The following RANBP2 variants were observed in gnomAD, a reference collection of about 807,000 sequenced individuals.
The protein encoded by RANBP2 is E3 SUMO-protein ligase RanBP2.
A neutral mutation model predicts 303.6 loss-of-function variants in RANBP2; 57 were observed. The ratio of observed to expected loss-of-function variants is 0.19; its 90% CI spans 0.15 to 0.23. RANBP2 has a LOEUF of 0.23. Ranked by LOEUF, RANBP2 falls within the 10% of genes least tolerant of loss-of-function variation. The probability of loss-of-function intolerance (pLI) is 1.00; values close to 1 mark genes in which losing one functional copy is unlikely to be tolerated. For synonymous variants in RANBP2, 1,167 were observed against 1,301.5 expected (o/e 0.90, Z 2.23); for missense variants, 3,138 against 3,780.8 (o/e 0.83, Z 4.46).
At chr2:109,054,343 CCTTGATAACAT>C in the RANBP2 span, among the ~76,000 whole-genome samples, 1 of 152,132 alleles carries the variant, frequency 6.6e-6, no homozygotes, top group African/African-American at 2.4e-5. Context: ...TTTGCCTGCT[CCTTGATAACAT>C]CTTTGTTTTT....
chr2:109,148,332 C>T, the RANBP2 span, among the ~76,000 whole-genome samples: 6 of 152,362 alleles, frequency 3.9e-5, no homozygotes, highest in African/African-American at 9.6e-5. Flanking sequence ...CAGCCCAGGC[C>T]AGAGCGCCAT....
the RANBP2 span, among the ~76,000 whole-genome samples, chr2:109,528,512 A>G: frequency 1.3e-5 from 2 of 152,092 alleles, no homozygotes; most frequent in Admixed American, 1.3e-4. Context: ...CAGTCCCAGG[A>G]CCCCGCTGGA....
the RANBP2 span, among the ~76,000 whole-genome samples, chr2:109,473,077 G>A: frequency 6.6e-6 from 1 of 152,234 alleles, no homozygotes; most frequent in Non-Finnish European, 1.5e-5. Context: ...TCAGATGCGA[G>A]TCCCAAGAAT....
the RANBP2 span, among the ~76,000 whole-genome samples, chr2:109,658,161 T>A: frequency 6.6e-6 from 1 of 151,980 alleles, no homozygotes; most frequent in South Asian, 2.1e-4. Flanking sequence ...TTAATAGGTA[T>A]AAATCAGCCG....
the RANBP2 span, among the ~76,000 whole-genome samples, chr2:109,712,190 C>G: frequency 6.6e-6 from 1 of 152,172 alleles, no homozygotes; most frequent in Non-Finnish European, 1.5e-5. Flanking sequence ...CCAGTGAGCT[C>G]AGGGCTGCCC....
At chr2:109,203,208 GCAGAGAGCCAGGAGCCTCTT>G in the RANBP2 span, among the ~76,000 whole-genome samples, 1 of 152,192 alleles carries the variant, frequency 6.6e-6, no homozygotes, top group Non-Finnish European at 1.5e-5. Context: ...GAAGGACCCT[GCAGAGAGCCAGGAGCCTCTT>G]CAGAGAGCCC....
the RANBP2 span, among the ~76,000 whole-genome samples, chr2:108,911,955 A>T: frequency 6.6e-6 from 1 of 152,168 alleles, no homozygotes; most frequent in African/African-American, 2.4e-5. Context: ...AAGTGTTTTA[A>T]TATTCTCCGT....
the RANBP2 span, among the ~76,000 whole-genome samples, chr2:108,987,262 G>A: frequency 5.3e-5 from 8 of 152,268 alleles, no homozygotes; most frequent in Admixed American, 2.6e-4. Context: ...AGGAGCGTCA[G>A]GTAACCCAGC....
At chr2:108,982,129 G>T in the RANBP2 span, among the ~76,000 whole-genome samples, 4 of 152,200 alleles carry the variant, frequency 2.6e-5, no homozygotes, top group Admixed American at 1.3e-4. Context: ...ATGAGAATAG[G>T]GGCCAGGTCT....
At chr2:108,955,717 A>G in the RANBP2 span, among the ~76,000 whole-genome samples, 1 of 150,882 alleles carries the variant, frequency 6.6e-6, no homozygotes, top group Non-Finnish European at 1.5e-5. Context: ...AAAAATAAAT[A>G]AATACAATAA....
chr2:108,926,746 G>T, the RANBP2 span, among the ~76,000 whole-genome samples: 1 of 152,252 alleles, frequency 6.6e-6, no homozygotes, highest in Non-Finnish European at 1.5e-5. Context: ...TGTGGGGAGG[G>T]CGGAGCATCA....
At chr2:109,026,664 G>A in the RANBP2 span, among the ~76,000 whole-genome samples, 6 of 152,138 alleles carry the variant, frequency 3.9e-5, no homozygotes, top group South Asian at 2.1e-4. Context: ...CTGATTGCTC[G>A]GCACCCTCTA....
the RANBP2 span, among the ~76,000 whole-genome samples, chr2:108,924,335 T>C: frequency 6.6e-5 from 10 of 152,204 alleles, no homozygotes; most frequent in African/African-American, 1.9e-4. Context: ...CACCCTCTCC[T>C]TGGGGCTCCC....
chr2:109,479,524 G>A, the RANBP2 span, among the ~76,000 whole-genome samples: 2 of 152,096 alleles, frequency 1.3e-5, no homozygotes, highest in African/African-American at 4.8e-5. Flanking sequence ...TGTTCTCCCT[G>A]GGGTGTCGGG....
chr2:108,916,483 T>G, the RANBP2 span, among the ~76,000 whole-genome samples: 1 of 152,120 alleles, frequency 6.6e-6, no homozygotes, highest in Non-Finnish European at 1.5e-5. Context: ...AAACAATGCC[T>G]GCAGATGTGA....
At chr2:109,578,851 G>A in the RANBP2 span, among the ~76,000 whole-genome samples, 1 of 152,096 alleles carries the variant, frequency 6.6e-6, no homozygotes, top group Non-Finnish European at 1.5e-5. Context: ...CACGCTTACA[G>A]GGTAGTTTAT....
chr2:109,306,555 C>T, the RANBP2 span, among the ~76,000 whole-genome samples: 11 of 152,296 alleles, frequency 7.2e-5, 1 homozygote, highest in Admixed American at 3.3e-4. Flanking sequence ...TTTCTCTGAC[C>T]GTACAGTGGC....
At chr2:108,745,998 C>G (rs1413781204) in intron 7 of RANBP2, among the ~76,000 whole-genome samples, 1 of 151,490 alleles carries the variant, frequency 6.6e-6, no homozygotes, top group African/African-American at 2.4e-5. Context: ...CCTTGACCTC[C>G]TGGATTTAAG....
chr2:109,753,706 C>CT, the RANBP2 span, among the ~76,000 whole-genome samples: 1 of 17,642 alleles, frequency 5.7e-5, no homozygotes, highest in African/African-American at 3.2e-4. Context: ...TGATTGTTTC[C>CT]TTTGCTGTGT....
Sources: allele counts gnomAD v4.1 joint callset (sites outside exome capture counted in the v4.1 genomes callset), GRCh38; gene constraint gnomAD v4.1.1; transcripts MANE v1.5; gene names NCBI Gene and HGNC (gene_info 2026-07-23, HGNC 2026-07-21).